TRIM2: variants seen among roughly 807,000 people sequenced by gnomAD.
TRIM2 encodes tripartite motif containing 2, also known as tripartite motif-containing protein 2.
TRIM2 carries 20 observed loss-of-function variants against 75.2 expected under a neutral mutation model. The ratio of observed to expected loss-of-function variants is 0.27; its 90% CI spans 0.19 to 0.39. The LOEUF (loss-of-function observed/expected upper bound fraction) is 0.39, where lower values mean the gene tolerates loss of function less well. Among genes scored for constraint, TRIM2 ranks in the 10% least tolerant of loss-of-function variants. The pLI, the probability that TRIM2 is intolerant of heterozygous loss-of-function variation, is 1.00. For synonymous variants in TRIM2, 373 were observed against 388.3 expected, an observed-to-expected ratio of 0.96 and a Z score of 0.46; for missense variants, 660 against 990.8, an observed-to-expected ratio of 0.67 and a Z score of 4.48.
intron 6 of TRIM2, among the ~76,000 whole-genome samples, chr4:153,305,072 G>T (rs558857983): frequency 8.5e-5 from 13 of 152,272 alleles, no homozygotes; most frequent in Non-Finnish European, 1.9e-4. Context: ...AAATGTTTTG[G>T]AAGGAGAGAG....
intron 1 of TRIM2, among the ~76,000 whole-genome samples, chr4:153,159,837 G>A (rs1184880900): frequency 6.6e-6 from 1 of 152,182 alleles, no homozygotes; most frequent in African/African-American, 2.4e-5. Flanking sequence ...GTTTAATTAT[G>A]TAATAAGCTA....
chr4:153,303,699 A>G (rs1764411785), intron 6 of TRIM2, among the ~76,000 whole-genome samples: 1 of 152,240 alleles, frequency 6.6e-6, no homozygotes, highest in Non-Finnish European at 1.5e-5. Context: ...TTTTTGTAGC[A>G]TTAATTTTAT....
chr4:153,289,695 G>A (rs1234466399), intron 3 of TRIM2, among the ~76,000 whole-genome samples: 2 of 152,136 alleles, frequency 1.3e-5, no homozygotes, highest in Non-Finnish European at 2.9e-5. Context: ...ACTTCTAAAT[G>A]CAATGTGCAC....
chr4:153,154,608 A>G (rs1007991212), intron 1 of TRIM2, among the ~76,000 whole-genome samples: 1 of 152,224 alleles, frequency 6.6e-6, no homozygotes, highest in African/African-American at 2.4e-5. Flanking sequence ...TAATGAGAGC[A>G]AGTAGAAAAG....
chr4:153,229,209 T>A (rs1194128035), intron 1 of TRIM2, among the ~76,000 whole-genome samples: 1 of 152,206 alleles, frequency 6.6e-6, no homozygotes, highest in African/African-American at 2.4e-5. Context: ...TTTCTTGTAG[T>A]CCACATATAT....
intron 1 of TRIM2, among the ~76,000 whole-genome samples, chr4:153,180,483 C>A (rs1358842372): frequency 2.0e-5 from 3 of 152,176 alleles, no homozygotes; most frequent in Non-Finnish European, 4.4e-5. Context: ...TGCCATCTTA[C>A]CTACAAATAT....
At chr4:153,322,610 C>G (rs920507872) in intron 8 of TRIM2, 38 bp from the exon 9 acceptor site, 1 of 1,601,208 alleles carries the variant, frequency 6.2e-7, no homozygotes, top group Non-Finnish European at 8.5e-7. Flanking sequence ...AACTTTGACT[C>G]TATACTGTAC....
rs114560068 is a variant in TRIM2, at chr4:153,238,852, G to A, written c.31-31483G>A. On this transcript the variant is annotated intron_variant, in intron 1 of 11. Coordinates refer to ENST00000338700, the MANE Select transcript of TRIM2 (RefSeq NM_015271.5). The stretch of plus-strand genomic sequence containing the variant: ...GAGATGGGGTCACAGAGACAGAAGA[G>A]ACAGACTGTCTTGTACAGAAACCTA... Among the ~76,000 whole-genome samples the A allele has an allele frequency of 2.7e-3, 409 of 152,306 alleles. 3 individuals carry two copies. Among genetic ancestry groups the A allele is most frequent in the African/African-American group, 9.1e-3 (379 of 41,556 alleles).
At chr4:153,316,070 A>G in intron 8 of TRIM2, 71 bp downstream of exon 8, 1 of 1,444,002 alleles carries the variant, frequency 6.9e-7, no homozygotes, top group Non-Finnish European at 9.3e-7. Context: ...GAAATTGCAT[A>G]TTTCTTTTTT....
chr4:153,227,291 T>C (rs1233474959), intron 1 of TRIM2, among the ~76,000 whole-genome samples: 1 of 152,242 alleles, frequency 6.6e-6, no homozygotes, highest in Non-Finnish European at 1.5e-5. Flanking sequence ...GTTCTATTCC[T>C]AAAATGTCCT....
chr4:153,282,045 A>C (rs1759466002), intron 3 of TRIM2, among the ~76,000 whole-genome samples: 1 of 152,220 alleles, frequency 6.6e-6, no homozygotes, highest in South Asian at 2.1e-4. Flanking sequence ...TCTTTTTTGC[A>C]TGTTAGGAAT....
upstream of TRIM2, chr4:153,152,408 G>GTATATATATATA (rs562242204): frequency 1.8e-4 from 9 of 50,568 alleles, no homozygotes; most frequent in East Asian, 5.9e-3. Flanking sequence ...ATATATGTGT[G>GTATATATATATA]TATATATATA....
At chr4:153,198,799 A>G (rs1482568730) in intron 1 of TRIM2, among the ~76,000 whole-genome samples, 1 of 152,178 alleles carries the variant, frequency 6.6e-6, no homozygotes, top group Non-Finnish European at 1.5e-5. Context: ...AAGTCAGTTA[A>G]TTGGGCTTTG....
intron 6 of TRIM2, chr4:153,309,686 T>A (rs1480268299): frequency 6.6e-6 from 1 of 151,032 alleles, no homozygotes; most frequent in African/African-American, 2.4e-5. Flanking sequence ...TACAGTGGCA[T>A]GATCTCAGCC....
chr4:153,175,868 T>C (rs1029496379), intron 1 of TRIM2, among the ~76,000 whole-genome samples: 1 of 152,070 alleles, frequency 6.6e-6, no homozygotes, highest in South Asian at 2.1e-4. Context: ...TCTTAGGAAA[T>C]ACACATTAAG....
chr4:153,215,175 T>G (rs1738137731), intron 1 of TRIM2, among the ~76,000 whole-genome samples: 1 of 152,196 alleles, frequency 6.6e-6, no homozygotes, highest in African/African-American at 2.4e-5. Flanking sequence ...TCAGTATACC[T>G]GGCATATGCC....
intron 1 of TRIM2, among the ~76,000 whole-genome samples, chr4:153,221,295 C>CGG (rs1398561247): frequency 6.6e-6 from 1 of 152,064 alleles, no homozygotes; most frequent in Admixed American, 6.6e-5. Flanking sequence ...CCAAGTGTGG[C>CGG]GGTGTGCCTA....
chr4:153,260,487 G>A (rs1391341434), intron 1 of TRIM2, among the ~76,000 whole-genome samples: 2 of 152,022 alleles, frequency 1.3e-5, no homozygotes, highest in East Asian at 1.9e-4. Context: ...ATATCATAAA[G>A]ACAAGTCAGG....
At chr4:153,275,543 G>A (rs928619142) in intron 2 of TRIM2, among the ~76,000 whole-genome samples, 3 of 152,178 alleles carry the variant, frequency 2.0e-5, no homozygotes, top group African/African-American at 7.2e-5. Flanking sequence ...AATCACATGG[G>A]GAGCTGACTC....
Sources: gnomAD v4.1 joint callset for allele counts (sites outside exome capture counted in the v4.1 genomes callset) on GRCh38, gnomAD v4.1.1 for gene constraint, MANE v1.5 for transcripts, NCBI Gene and HGNC (gene_info 2026-07-23, HGNC 2026-07-21) for gene names.